The following EXT2 variants were observed in gnomAD, a reference collection of about 807,000 sequenced individuals.
EXT2 encodes exostosin-2.
EXT2 carries 53 observed loss-of-function variants against 81.6 expected under a neutral mutation model. The observed-to-expected ratio is 0.65, with a 90% CI of 0.52 to 0.82. The LOEUF is 0.82. Among genes scored for constraint, EXT2 ranks in the 40% least tolerant of loss-of-function variants. The pLI, the probability that EXT2 is intolerant of heterozygous loss-of-function variation, is 0.00. For missense variants in EXT2, 774 were observed against 910.2 expected, an observed-to-expected ratio of 0.85 and a Z score of 1.93; for synonymous variants, 320 against 340.0, an observed-to-expected ratio of 0.94 and a Z score of 0.65.
chr11:44,165,453 T>C (rs867821404), intron 7 of EXT2, among the ~76,000 whole-genome samples: 102 of 152,314 alleles, frequency 6.7e-4, no homozygotes, highest in African/African-American at 2.4e-3. Context: ...CTGAGGCACT[T>C]GAGCTATGAT....
intron 1 of EXT2, among the ~76,000 whole-genome samples, chr11:44,106,953 G>A (rs1954064365): frequency 6.6e-6 from 1 of 152,126 alleles, no homozygotes; most frequent in South Asian, 2.1e-4. Context: ...GAATGATGAA[G>A]CTTCAGTTTG....
intron 12 of EXT2, among the ~76,000 whole-genome samples, chr11:44,234,802 C>T (rs1955941936): frequency 6.6e-6 from 1 of 152,006 alleles, no homozygotes; most frequent in African/African-American, 2.4e-5. Context: ...CTGTTTATTC[C>T]TGAAATTTAG....
intron 13 of EXT2, among the ~76,000 whole-genome samples, chr11:44,242,189 C>T (rs753577892): frequency 2.6e-5 from 4 of 152,186 alleles, no homozygotes; most frequent in East Asian, 3.8e-4. Context: ...TGGGCTTTGC[C>T]GGCCAGAGTC....
Position 44,149,254 on chromosome 11 carries a change from C to T in EXT2, c.1173+19116C>T, listed in dbSNP as rs557800924. Among the ~76,000 whole-genome samples the T allele has an allele frequency of 5.9e-5, 9 of 152,130 alleles. No homozygotes were observed. The East Asian group carries it at 9.7e-4, about 16-fold the overall frequency. The stretch of plus-strand genomic sequence containing the variant: ...GTGCATGCCTGTAGTCTCAGCTACT[C>T]GAGAGGCTGAGGTGGGAAGATTGCT... On this transcript the variant is annotated intron_variant, in intron 7 of 13. Coordinates refer to ENST00000533608, the MANE Select transcript of EXT2 (RefSeq NM_207122.2).
intron 1 of EXT2, chr11:44,096,274 G>C: frequency 1.3e-6 from 2 of 1,536,006 alleles, no homozygotes; most frequent in South Asian, 2.4e-5. Context: ...CTCAGGGTCC[G>C]GTGGTGGCCT....
intron 10 of EXT2, among the ~76,000 whole-genome samples, chr11:44,219,097 G>A (rs752023680): frequency 2.0e-5 from 3 of 151,654 alleles, no homozygotes; most frequent in Non-Finnish European, 2.9e-5. Flanking sequence ...CACTGCACCC[G>A]GCCTAGAATC....
intron 4 of EXT2, among the ~76,000 whole-genome samples, chr11:44,114,984 G>A (rs1370832617): frequency 6.6e-6 from 1 of 152,094 alleles, no homozygotes; most frequent in Non-Finnish European, 1.5e-5. Context: ...CTAACATCCT[G>A]CTTGTGCCTT....
chr11:44,216,682 G>A (rs191005826), intron 10 of EXT2, among the ~76,000 whole-genome samples: 1 of 152,142 alleles, frequency 6.6e-6, no homozygotes, highest in African/African-American at 2.4e-5. Context: ...TTGATTTACA[G>A]AGACCATTTT....
chr11:44,237,991 AG>A (rs1365048849), intron 13 of EXT2, among the ~76,000 whole-genome samples: 1 of 148,814 alleles, frequency 6.7e-6, no homozygotes, highest in East Asian at 2.0e-4. Flanking sequence ...TGGGAGGCTG[AG>A]GCAGGAGAAT....
chr11:44,166,221 T>C (rs1027274708), intron 7 of EXT2, among the ~76,000 whole-genome samples: 1 of 152,212 alleles, frequency 6.6e-6, no homozygotes, highest in Non-Finnish European at 1.5e-5. Context: ...CTGTAAGGGC[T>C]AAGGGATTTC....
chr11:44,198,380 T>C (rs1384742266), intron 9 of EXT2, among the ~76,000 whole-genome samples: 1 of 150,302 alleles, frequency 6.7e-6, no homozygotes, highest in Non-Finnish European at 1.5e-5. Flanking sequence ...TGCTGTACTT[T>C]CTCAAAAAAA....
chr11:44,129,539 TTACTC>T (rs1954459351), intron 6 of EXT2, among the ~76,000 whole-genome samples: 1 of 152,260 alleles, frequency 6.6e-6, no homozygotes, highest in Non-Finnish European at 1.5e-5. Flanking sequence ...TCTGGCCTGC[TTACTC>T]TCTTGCCTTC....
Position 44,232,505 on chromosome 11 carries a change from G to T in EXT2, c.1806+9G>T, listed in dbSNP as rs2135260004. On this transcript the variant is annotated intron_variant, in intron 11 of 13. Transcript: ENST00000533608. Reference sequence around the variant, plus strand: ...CAGCTTTTTATCACAAGGTAAGGGGGCGCAGTCCTGGCAAGGTGACAAAAC... The same window carrying T: ...CAGCTTTTTATCACAAGGTAAGGGGTCGCAGTCCTGGCAAGGTGACAAAAC... 1.7e-5 allele frequency: 27 copies of T among 1,613,774 alleles called. No homozygotes were observed. Among genetic ancestry groups the T allele is most frequent in the Non-Finnish European group, 2.3e-5 (27 of 1,179,822 alleles).
chr11:44,233,275 T>C (rs555979333), intron 11 of EXT2, among the ~76,000 whole-genome samples: 7 of 152,258 alleles, frequency 4.6e-5, no homozygotes, highest in Non-Finnish European at 8.8e-5. Flanking sequence ...TATAAAACTG[T>C]TTTACCATGC....
At chr11:44,199,305 A>C (rs1317076887) in intron 9 of EXT2, among the ~76,000 whole-genome samples, 1 of 152,176 alleles carries the variant, frequency 6.6e-6, no homozygotes, top group Non-Finnish European at 1.5e-5. Flanking sequence ...AATTATAAGG[A>C]ACTATGTAAA....
intron 10 of EXT2, among the ~76,000 whole-genome samples, chr11:44,214,106 TTTCTTC>T (rs138857765): frequency 5.9e-5 from 9 of 151,550 alleles, no homozygotes; most frequent in African/African-American, 1.7e-4. Flanking sequence ...TATTTGTAAC[TTTCTTC>T]TTCTTCTTCT....
Position 44,247,780 on chromosome 11 carries a change from A to G in EXT2, c.*3493A>G, listed in dbSNP as rs1956108171. On this transcript the variant is annotated 3_prime_UTR_variant, in exon 14 of 14. Coordinates refer to ENST00000533608, the MANE Select transcript of EXT2 (RefSeq NM_207122.2). ...CTCATTGGCCAAAGATGTTGCTAATAACCCTGTGATCCTAGCTTCCTTCTA... is the reference window on the plus strand; with the variant it reads ...CTCATTGGCCAAAGATGTTGCTAATGACCCTGTGATCCTAGCTTCCTTCTA... Among the ~76,000 whole-genome samples the G allele has an allele frequency of 6.6e-6, 1 of 152,194 alleles. No homozygotes were observed.
rs1258701749 is a variant in EXT2 at position 44,220,949 on chromosome 11, A to T, written c.1663-11404A>T. Among the ~76,000 whole-genome samples the T allele has an allele frequency of 6.6e-6, 1 of 152,258 alleles. No individual in the cohort carries two copies. The highest frequency in any genetic ancestry group is 1.5e-5 in the Non-Finnish European group (1 of 68,048). On this transcript the variant is annotated intron_variant, in intron 10 of 13. Coordinates refer to ENST00000533608, the MANE Select transcript of EXT2 (RefSeq NM_207122.2). This position sits in a 1 kb window ranked among gnomAD's most constrained non-coding sequence, Gnocchi z 4.4. ...AGGAAATCAAATATGTTTGCTGAAC[A>T]TTGAAATAACATCTGATCATTGAAA...
At chr11:44,218,793 C>CT (rs11368525) in intron 10 of EXT2, among the ~76,000 whole-genome samples, 73,523 of 92,430 alleles carry the variant, frequency 0.8, 30,456 homozygotes, top group East Asian at 0.89. Flanking sequence ...ATCTGCAATT[C>CT]TTTTTTTTTT....
Sources: gnomAD v4.1 joint callset for allele counts (sites outside exome capture counted in the v4.1 genomes callset) on GRCh38, gnomAD v4.1.1 for gene constraint, Gnocchi (gnomAD v3.1) non-coding constraint, MANE v1.5 for transcripts, NCBI Gene and HGNC (gene_info 2026-07-23, HGNC 2026-07-21) for gene names.